SMARCC1: variants seen among roughly 807,000 people sequenced by gnomAD.
SMARCC1 encodes SWI/SNF related BAF chromatin remodeling complex subunit C1.
SMARCC1 carries 43 observed loss-of-function variants against 147.4 expected under a neutral mutation model. The ratio of observed to expected loss-of-function variants is 0.29; its 90% confidence interval spans 0.23 to 0.38. The LOEUF (loss-of-function observed/expected upper bound fraction) is 0.38. Ranked by LOEUF, SMARCC1 falls within the 10% of genes least tolerant of loss-of-function variation. The pLI is 1.00. For missense variants in SMARCC1, 1,119 were observed against 1,381.1 expected (o/e 0.81, Z 3.01); for synonymous variants, 495 against 484.4 (o/e 1.02, Z -0.29).
At chr3:47,668,864 G>A (rs1439181518) in intron 19 of SMARCC1, among the ~76,000 whole-genome samples, 1 of 151,114 alleles carries the variant, frequency 6.6e-6, no homozygotes, top group Non-Finnish European at 1.5e-5. Context: ...TAGCATGGGG[G>A]AAGGGAGAAA....
At chr3:47,771,669 G>A (rs377456093) in intron 2 of SMARCC1, among the ~76,000 whole-genome samples, 3 of 152,178 alleles carry the variant, frequency 2.0e-5, no homozygotes, top group South Asian at 4.2e-4. Context: ...GCTTGAACCC[G>A]GGAGGCAGAG....
At chr3:47,646,547 T>C (rs1030454994) in intron 21 of SMARCC1, among the ~76,000 whole-genome samples, 7 of 152,236 alleles carry the variant, frequency 4.6e-5, no homozygotes, top group Admixed American at 1.3e-4. Flanking sequence ...AAGAAAGGTC[T>C]AGTAATTATT....
At chr3:47,635,438 A>G in intron 23 of SMARCC1, 94 bp from the exon 24 acceptor site, 1 of 1,095,818 alleles carries the variant, frequency 9.1e-7, no homozygotes. Flanking sequence ...TAGGACTGAT[A>G]TGACAAAGAG....
At chr3:47,735,059 A>G (rs1559657955) in intron 5 of SMARCC1, among the ~76,000 whole-genome samples, 2 of 149,030 alleles carry the variant, frequency 1.3e-5, no homozygotes, top group Admixed American at 6.7e-5. Flanking sequence ...CCGGCCTTCA[A>G]TTTTTTTTTT....
At chr3:47,670,825 G>GT in intron 18 of SMARCC1, 108 bp from the exon 19 acceptor site, 1 of 744,402 alleles carries the variant, frequency 1.3e-6, no homozygotes, top group Non-Finnish European at 2.5e-6. Context: ...AACTATCATG[G>GT]TAAGTCTTTG....
intron 18 of SMARCC1, 41 bp from the exon 19 acceptor site, chr3:47,670,758 T>C (rs1559640521): frequency 8.4e-7 from 1 of 1,187,436 alleles, no homozygotes; most frequent in African/African-American, 1.5e-5. Flanking sequence ...CATTTTTAAA[T>C]GCTGAAGATG....
intron 14 of SMARCC1, among the ~76,000 whole-genome samples, chr3:47,681,415 T>C (rs1028358666): frequency 1.3e-5 from 2 of 152,222 alleles, no homozygotes; most frequent in African/African-American, 4.8e-5. Context: ...TTTAACAATA[T>C]ATGCAAACGC....
Position 47,610,552 on chromosome 3 carries a change from T to C in SMARCC1, c.2782-225A>G, listed in dbSNP as rs1001084771. On this transcript the variant is annotated intron_variant, in intron 25 of 27. Coordinates refer to ENST00000254480, the MANE Select transcript of SMARCC1 (RefSeq NM_003074.4). ...TGGTCAAAGTCTTCTCCATGTTGAGTCTAAGTCTTTCCTTGCAATCTTCCC... is the reference window on the plus strand; with the variant it reads ...TGGTCAAAGTCTTCTCCATGTTGAGCCTAAGTCTTTCCTTGCAATCTTCCC... 1.8e-5 allele frequency: 10 copies of C among 568,216 alleles called. No homozygotes were observed. The Admixed American group carries it at 3.0e-4, about 17-fold the overall frequency. The allele number at this position is 568,216 out of a possible 1,614,324, so 35.2% of individuals were successfully genotyped here.
At position 47,757,078 on chromosome 3, in the gene SMARCC1, G is replaced by A. The variant is rs1011049356; in HGVS notation, c.316-11085C>T. Reference sequence around the variant, plus strand: ...TCAGCCTGGGCAATCAGGCGAGACTGTCTCTACAAAAAAACAGAAAAAATT... The same window carrying A: ...TCAGCCTGGGCAATCAGGCGAGACTATCTCTACAAAAAAACAGAAAAAATT... On this transcript the variant is annotated intron_variant, in intron 2 of 27. Coordinates refer to ENST00000254480, the MANE Select transcript of SMARCC1 (RefSeq NM_003074.4). 7.2e-5 allele frequency among the ~76,000 whole-genome samples: 11 copies of A among 152,086 alleles called. No homozygotes were observed. The East Asian group carries it at 1.7e-3, about 24-fold the overall frequency.
intron 21 of SMARCC1, among the ~76,000 whole-genome samples, chr3:47,650,488 A>C (rs1329169363): frequency 6.6e-6 from 1 of 151,932 alleles, no homozygotes; most frequent in Admixed American, 6.6e-5. Flanking sequence ...GTAAAAAAAT[A>C]TCTACCTGTA....
intron 1 of SMARCC1, among the ~76,000 whole-genome samples, chr3:47,777,363 G>C (rs1366025822): frequency 1.3e-5 from 2 of 151,728 alleles, no homozygotes; most frequent in Non-Finnish European, 2.9e-5. Flanking sequence ...GATTACAGGC[G>C]TGAGACACCA....
intron 14 of SMARCC1, among the ~76,000 whole-genome samples, chr3:47,683,204 G>A (rs985620822): frequency 2.6e-5 from 4 of 151,944 alleles, no homozygotes; most frequent in South Asian, 2.1e-4. Context: ...CACCACGCCC[G>A]GCTCATTTTT....
intron 26 of SMARCC1, among the ~76,000 whole-genome samples, chr3:47,601,537 C>T (rs562382556): frequency 3.3e-5 from 5 of 152,246 alleles, no homozygotes; most frequent in Admixed American, 1.3e-4. Flanking sequence ...CTGTGACAGA[C>T]TCTCTTTGTT....
At position 47,594,806 on chromosome 3, in the gene SMARCC1, T is replaced by C. The variant is rs9844664; in HGVS notation, c.3044-3969A>G. On this transcript the variant is annotated intron_variant, in intron 26 of 27. Coordinates refer to ENST00000254480, the MANE Select transcript of SMARCC1 (RefSeq NM_003074.4). ...CTTGTGGCGGGACTGTGAGGCCACA[T>C]GCTTGTAGATCCACAAACCAGTAAG... Among the ~76,000 whole-genome samples, 638 of 152,236 alleles carry C rather than the reference T, an allele frequency of 4.2e-3. 4 individuals are homozygous for C. Among genetic ancestry groups the C allele is most frequent in the South Asian group, 0.032 (153 of 4,822 alleles).
chr3:47,699,677 T>C (rs2033894879), intron 11 of SMARCC1, among the ~76,000 whole-genome samples: 1 of 152,154 alleles, frequency 6.6e-6, no homozygotes, highest in Non-Finnish European at 1.5e-5. Flanking sequence ...TGTATATACA[T>C]ATATACACCC....
At chr3:47,665,720 C>A (rs192968654) in intron 19 of SMARCC1, among the ~76,000 whole-genome samples, 1 of 151,990 alleles carries the variant, frequency 6.6e-6, no homozygotes, top group South Asian at 2.1e-4. Context: ...GACACACTGG[C>A]CAGGAAGGAG....
At chr3:47,712,372 A>C (rs968929708) in intron 8 of SMARCC1, among the ~76,000 whole-genome samples, 1 of 152,168 alleles carries the variant, frequency 6.6e-6, no homozygotes, top group African/African-American at 2.4e-5. Context: ...ATGTCAAAAT[A>C]GTGTTTTCCA....
chr3:47,612,312 C>T (rs1015603262), intron 25 of SMARCC1, among the ~76,000 whole-genome samples: 1 of 152,138 alleles, frequency 6.6e-6, no homozygotes, highest in African/African-American at 2.4e-5. Context: ...TCTGAATTTG[C>T]TTAAGAGGTG....
chr3:47,701,250 T>C, intron 11 of SMARCC1, 28 bp downstream of exon 11: 1 of 1,600,808 alleles, frequency 6.2e-7, no homozygotes, highest in East Asian at 2.2e-5. Context: ...AAATTAAATC[T>C]AACACTCTCA....
Sources: allele counts gnomAD v4.1 joint callset (sites outside exome capture counted in the v4.1 genomes callset), GRCh38; gene constraint gnomAD v4.1.1; transcripts MANE v1.5; gene names NCBI Gene and HGNC (gene_info 2026-07-23, HGNC 2026-07-21).